The following PLCG2 variants were observed in gnomAD, a reference collection of about 807,000 sequenced individuals.
The protein encoded by PLCG2 is 1-phosphatidylinositol 4,5-bisphosphate phosphodiesterase gamma-2.
A neutral mutation model predicts 175.6 loss-of-function variants in PLCG2; 69 were observed. The observed-to-expected ratio is 0.39, with a 90% confidence interval of 0.32 to 0.48. The LOEUF is 0.48. PLCG2 is among the 20% of genes least tolerant of loss of function. The pLI is 0.91. For synonymous variants in PLCG2, 827 were observed against 624.0 expected, an observed-to-expected ratio of 1.33 and a Z score of -4.85; for missense variants, 1,798 against 1,650.9, an observed-to-expected ratio of 1.09 and a Z score of -1.54.
At chr16:81,859,188 G>T in intron 5 of PLCG2, 25 bp downstream of exon 5, 2 of 1,487,750 alleles carry the variant, frequency 1.3e-6, no homozygotes, top group South Asian at 2.3e-5. Context: ...GTTTTTTTCT[G>T]ATCACTTTGG....
At chr16:81,837,285 C>T (rs1196762073) in intron 2 of PLCG2, among the ~76,000 whole-genome samples, 4 of 152,240 alleles carry the variant, frequency 2.6e-5, no homozygotes, top group African/African-American at 9.6e-5. Flanking sequence ...TCTCAGACTA[C>T]CTCAACTCCT....
intron 22 of PLCG2, among the ~76,000 whole-genome samples, chr16:81,926,764 A>G (rs1034815247): frequency 5.9e-5 from 9 of 152,200 alleles, no homozygotes; most frequent in African/African-American, 2.2e-4. Flanking sequence ...CCTCCCCGAA[A>G]TAGGGGTGAA....
At chr16:81,947,833 GGT>G (rs1217252592) in intron 31 of PLCG2, among the ~76,000 whole-genome samples, 19 of 152,286 alleles carry the variant, frequency 1.2e-4, no homozygotes, top group African/African-American at 4.3e-4. Flanking sequence ...ATGTAAGAAA[GGT>G]GGGGGAGTTG....
chr16:81,851,664 C>T (rs1906418348), intron 2 of PLCG2, among the ~76,000 whole-genome samples: 1 of 152,226 alleles, frequency 6.6e-6, no homozygotes, highest in African/African-American at 2.4e-5. Context: ...TGGCCTGTGC[C>T]ACCAAGCCCA....
intron 3 of PLCG2, among the ~76,000 whole-genome samples, chr16:81,855,306 C>G (rs900336639): frequency 1.3e-5 from 2 of 152,076 alleles, no homozygotes; most frequent in Non-Finnish European, 2.9e-5. Context: ...TTCTGTTGCA[C>G]ACACACATGC....
chr16:81,893,567 C>CTT, intron 11 of PLCG2, 142 bp from the exon 12 acceptor site: 1 of 658,174 alleles, frequency 1.5e-6, no homozygotes. Context: ...TAGGCCTTAG[C>CTT]TTTGAGTCTT....
intron 30 of PLCG2, among the ~76,000 whole-genome samples, chr16:81,941,746 G>T (rs1245255548): frequency 6.6e-6 from 1 of 150,850 alleles, no homozygotes; most frequent in Non-Finnish European, 1.5e-5. Flanking sequence ...CGCTCAGGCT[G>T]GAGTGCAGTG....
intron 29 of PLCG2, among the ~76,000 whole-genome samples, chr16:81,939,274 C>A (rs1430789386): frequency 6.6e-6 from 1 of 152,184 alleles, no homozygotes; most frequent in South Asian, 2.1e-4. Flanking sequence ...CTGACCTGAC[C>A]CAGAGGATCA....
Position 81,883,192 on chromosome 16 carries a change from C to G in PLCG2, c.693-77C>G, listed in dbSNP as rs187208849. The G allele has an allele frequency of 3.1e-6, 4 of 1,290,274 alleles. No homozygotes were observed. The Admixed American group carries it at 5.0e-5, about 16-fold the overall frequency. 79.9% of individuals were successfully genotyped at this position (1,290,274 alleles called of 1,614,324 possible). On this transcript the variant is annotated intron_variant, in intron 8 of 32. Transcript: ENST00000564138. ...GGGGCGTTCTGGGTGGCAGGCTGCC[C>G]CATTGGCTGGCATCTCCTCTCGACT...
At chr16:81,846,443 C>T (rs188272215) in intron 2 of PLCG2, among the ~76,000 whole-genome samples, 92 of 152,338 alleles carry the variant, frequency 6.0e-4, no homozygotes, top group African/African-American at 2.1e-3. Flanking sequence ...GCTCAACTTC[C>T]AGGGAACCAA....
chr16:81,923,646 T>C, intron 22 of PLCG2, 52 bp downstream of exon 22: 2 of 1,105,116 alleles, frequency 1.8e-6, no homozygotes, highest in Non-Finnish European at 2.7e-6. Flanking sequence ...GACTTGTCCC[T>C]TCTTGGTGAT....
chr16:81,897,753 C>T (rs1248412510), intron 13 of PLCG2: 1 of 431,746 alleles, frequency 2.3e-6, no homozygotes, highest in African/African-American at 2.0e-5. Flanking sequence ...CTATGTTGGC[C>T]AGGTTGGTCT....
intron 2 of PLCG2, among the ~76,000 whole-genome samples, chr16:81,833,748 T>A (rs1268970351): frequency 1.3e-5 from 2 of 151,932 alleles, no homozygotes; most frequent in East Asian, 3.9e-4. Context: ...AAGGTGAGGG[T>A]GTTGCCTAGG....
chr16:81,743,881 CAG>C (rs1200209672), intron 1 of PLCG2, among the ~76,000 whole-genome samples: 3 of 149,548 alleles, frequency 2.0e-5, no homozygotes, highest in African/African-American at 4.9e-5. Context: ...TTTTTTAAGA[CAG>C]AGTCTTGCAC....
At chr16:81,763,464 T>G (rs1251911009) in intron 2 of PLCG2, among the ~76,000 whole-genome samples, 1 of 152,196 alleles carries the variant, frequency 6.6e-6, no homozygotes, top group African/African-American at 2.4e-5. Flanking sequence ...CAAGGTGTCC[T>G]CCCTCTCACG....
intron 1 of PLCG2, chr16:81,785,639 T>C (rs779438018): frequency 4.0e-4 from 77 of 191,334 alleles, no homozygotes; most frequent in Middle Eastern, 2.1e-3. Context: ...AAATATTCTT[T>C]AGGATAAGAG....
intron 30 of PLCG2, 141 bp downstream of exon 30, chr16:81,940,200 AGG>A: frequency 1.4e-6 from 1 of 696,896 alleles, no homozygotes; most frequent in Admixed American, 2.5e-5. Flanking sequence ...CTTGGAGAGC[AGG>A]TGTACAGCCT....
intron 2 of PLCG2, among the ~76,000 whole-genome samples, chr16:81,759,400 T>G (rs1054483242): frequency 3.9e-5 from 6 of 152,234 alleles, no homozygotes; most frequent in Non-Finnish European, 2.9e-5. Context: ...ATTTCCCTTT[T>G]AAATATATTT....
chr16:81,850,332 C>G (rs565802969), intron 2 of PLCG2, among the ~76,000 whole-genome samples: 1 of 152,156 alleles, frequency 6.6e-6, no homozygotes, highest in East Asian at 1.9e-4. Flanking sequence ...TAAAAGTACT[C>G]AAGCTTCCCC....
Sources: gnomAD v4.1 joint callset for allele counts (sites outside exome capture counted in the v4.1 genomes callset) on GRCh38, gnomAD v4.1.1 for gene constraint, MANE v1.5 for transcripts, NCBI Gene and HGNC (gene_info 2026-07-23, HGNC 2026-07-21) for gene names.